The following PCDH15 variants were observed in gnomAD, a reference collection of about 807,000 sequenced individuals.
The protein encoded by PCDH15 is protocadherin-15.
A neutral mutation model predicts 178.5 loss-of-function variants in PCDH15; 129 were observed. The observed-to-expected ratio is 0.72, with a 90% CI of 0.63 to 0.84. The LOEUF (loss-of-function observed/expected upper bound fraction) is 0.84. Ranked by LOEUF, PCDH15 falls within the 40% of genes least tolerant of loss-of-function variation. The pLI, the probability that PCDH15 is intolerant of heterozygous loss-of-function variation, is 0.00. For synonymous variants in PCDH15, 800 were observed against 732.0 expected (o/e 1.09, Z -1.50); for missense variants, 2,230 against 2,099.9 (o/e 1.06, Z -1.21).
chr10:53,852,050 C>T (rs1199129576), intron 28 of PCDH15, among the ~76,000 whole-genome samples: 1 of 151,938 alleles, frequency 6.6e-6, no homozygotes, highest in Non-Finnish European at 1.5e-5. Context: ...TGTTTCTAAA[C>T]TCGAGTTTAT....
Position 55,373,935 on chromosome 10 carries a change from C to T in PCDH15, c.-155-207284G>A, listed in dbSNP as rs146144443. ...GGAGGGGAACATCACACACCGAGGC[C>T]GGTGGTGGGGTGGGGGGCTGGGGGA... On this transcript the variant is annotated intron_variant, in intron 2 of 5. Coordinates refer to the PCDH15 transcript ENST00000613346. 6.0e-3 allele frequency among the ~76,000 whole-genome samples: 543 copies of T among 90,396 alleles called. 2 individuals are homozygous for T. The highest frequency in any genetic ancestry group is 0.022 in the African/African-American group (520 of 24,058). 59.3% of individuals were successfully genotyped at this position (90,396 alleles called of 152,430 possible). A position where few individuals can be genotyped will look rare whatever the true frequency, so the allele number is the denominator to read the frequency against.
intron 15 of PCDH15, among the ~76,000 whole-genome samples, chr10:54,112,802 A>T (rs116835754): frequency 1.3e-5 from 2 of 152,184 alleles, no homozygotes; most frequent in South Asian, 4.1e-4. Flanking sequence ...AAGCTAATCT[A>T]AACTCACAAT....
At chr10:53,978,039 C>CT (rs2090334815) in intron 21 of PCDH15, among the ~76,000 whole-genome samples, 1 of 152,140 alleles carries the variant, frequency 6.6e-6, no homozygotes, top group African/African-American at 2.4e-5. Context: ...CATTGAATGC[C>CT]TGTAGCTTTT....
intron 2 of PCDH15, among the ~76,000 whole-genome samples, chr10:54,946,647 T>G (rs1427102064): frequency 6.6e-6 from 1 of 151,848 alleles, no homozygotes; most frequent in Non-Finnish European, 1.5e-5. Flanking sequence ...AAAAAAGTGA[T>G]TCTTATCATT....
At chr10:55,283,820 A>T (rs1842796556) in intron 1 of PCDH15, among the ~76,000 whole-genome samples, 2 of 152,252 alleles carry the variant, frequency 1.3e-5, no homozygotes, top group East Asian at 3.9e-4. Context: ...AACGTCTACT[A>T]AAAGTTGTTT....
intron 2 of PCDH15, among the ~76,000 whole-genome samples, chr10:54,560,375 A>G (rs1253168278): frequency 6.6e-6 from 1 of 152,130 alleles, no homozygotes; most frequent in East Asian, 1.9e-4. Context: ...GCATATAGAC[A>G]TGAAACTATT....
Position 55,262,599 on chromosome 10 carries a change from A to G in PCDH15, c.-156+57000T>C, listed in dbSNP as rs1022136278. 3.9e-5 allele frequency among the ~76,000 whole-genome samples: 6 copies of G among 152,288 alleles called. No homozygotes were observed. The East Asian group carries it at 1.2e-3, about 30-fold the overall frequency. ...AGGCCATCGACCAGCAGAACAATGC[A>G]GAGTTTGGCCAGGATGTTCTAAGGA... On this transcript the variant is annotated intron_variant, in intron 1 of 5. Coordinates refer to the PCDH15 transcript ENST00000458638.
intron 2 of PCDH15, among the ~76,000 whole-genome samples, chr10:55,044,827 GAA>G (rs1319282959): frequency 6.6e-6 from 1 of 152,062 alleles, no homozygotes; most frequent in Non-Finnish European, 1.5e-5. Flanking sequence ...CAATGTGCTA[GAA>G]ACATAGGGAA....
intron 2 of PCDH15, among the ~76,000 whole-genome samples, chr10:54,549,453 T>A (rs1207880254): frequency 1.3e-5 from 2 of 151,936 alleles, no homozygotes; most frequent in East Asian, 1.9e-4. Flanking sequence ...TAAATACAAA[T>A]GTATTTATTT....
Position 55,437,042 on chromosome 10 carries a change from T to A in PCDH15, c.-156+190583A>T, listed in dbSNP as rs114733748. On this transcript the variant is annotated intron_variant, in intron 2 of 5. Coordinates refer to the PCDH15 transcript ENST00000613346. ...CCCATATTTGTGGGTGATTTCCACATGTGATTTTGTCCTAGTCTTGGTTTC... is the reference window on the plus strand; with the variant it reads ...CCCATATTTGTGGGTGATTTCCACAAGTGATTTTGTCCTAGTCTTGGTTTC... 4.7e-3 allele frequency among the ~76,000 whole-genome samples: 713 copies of A among 152,306 alleles called. 7 individuals are homozygous for A. The highest frequency in any genetic ancestry group is 0.016 in the African/African-American group (679 of 41,572).
At chr10:54,627,106 A>T (rs910226930) in intron 2 of PCDH15, among the ~76,000 whole-genome samples, 9 of 152,172 alleles carry the variant, frequency 5.9e-5, no homozygotes, top group Admixed American at 3.9e-4. Flanking sequence ...TCTGCATTGT[A>T]TCTAGGAAGT....
intron 2 of PCDH15, among the ~76,000 whole-genome samples, chr10:55,515,858 T>G (rs1841001927): frequency 6.6e-6 from 1 of 152,190 alleles, no homozygotes; most frequent in Non-Finnish European, 1.5e-5. Context: ...CTGTAAGGCT[T>G]CTGTGCATCT....
intron 3 of PCDH15, among the ~76,000 whole-genome samples, chr10:54,444,219 A>G (rs2076009566): frequency 6.6e-6 from 1 of 151,730 alleles, no homozygotes; most frequent in Admixed American, 6.6e-5. Context: ...TATAGAGAGT[A>G]TAAACAAAGA....
At chr10:54,867,675 A>T (rs1010476573) in intron 3 of PCDH15, among the ~76,000 whole-genome samples, 3 of 152,132 alleles carry the variant, frequency 2.0e-5, no homozygotes, top group African/African-American at 7.2e-5. Context: ...AGATATTTTT[A>T]TATATTACAA....
chr10:53,901,362 A>G (rs1363030661), intron 26 of PCDH15, among the ~76,000 whole-genome samples: 1 of 152,096 alleles, frequency 6.6e-6, no homozygotes, highest in Non-Finnish European at 1.5e-5. Context: ...CCACCAAGTC[A>G]TTCTTGATTT....
intron 6 of PCDH15, among the ~76,000 whole-genome samples, chr10:54,336,484 C>T (rs777134555): frequency 3.0e-4 from 45 of 152,242 alleles, no homozygotes; most frequent in Middle Eastern, 3.4e-3. Context: ...TGCCCCGTGT[C>T]CCAGCTGCTC....
At chr10:54,873,238 G>T (rs755889388) in intron 3 of PCDH15, among the ~76,000 whole-genome samples, 2 of 151,932 alleles carry the variant, frequency 1.3e-5, no homozygotes, top group Non-Finnish European at 2.9e-5. Flanking sequence ...TATGGTATAG[G>T]TATATTATCC....
At chr10:55,224,115 C>T (rs991628083) in intron 1 of PCDH15, among the ~76,000 whole-genome samples, 1 of 152,024 alleles carries the variant, frequency 6.6e-6, no homozygotes, top group Non-Finnish European at 1.5e-5. Context: ...GCAAGGAGAT[C>T]ATTTGAGCCC....
intron 3 of PCDH15, among the ~76,000 whole-genome samples, chr10:54,809,419 C>T (rs1035258170): frequency 2.0e-5 from 3 of 151,490 alleles, no homozygotes; most frequent in Admixed American, 6.6e-5. Context: ...AAAATGAGAC[C>T]GTTTAAATGC....
Sources: allele counts gnomAD v4.1 joint callset (sites outside exome capture counted in the v4.1 genomes callset), GRCh38; gene constraint gnomAD v4.1.1; transcripts MANE v1.5; gene names NCBI Gene and HGNC (gene_info 2026-07-23, HGNC 2026-07-21).